PPP1R9A: variants seen among roughly 807,000 people sequenced by gnomAD.
PPP1R9A encodes the protein neurabin-1.
PPP1R9A carries 59 observed loss-of-function variants against 141.9 expected under a neutral mutation model. That is an observed-to-expected ratio of 0.42 (90% CI 0.34 to 0.52). The LOEUF (loss-of-function observed/expected upper bound fraction) is 0.52. Ranked by LOEUF, PPP1R9A falls within the 20% of genes least tolerant of loss-of-function variation. PPP1R9A has a pLI of 0.10. For missense variants in PPP1R9A, 1,444 were observed against 1,611.9 expected (o/e 0.90, Z 1.78); for synonymous variants, 500 against 569.7 (o/e 0.88, Z 1.74).
chr7:95,247,404 G>C, intron 8 of PPP1R9A, 69 bp from the exon 9 acceptor site: 1 of 1,306,890 alleles, frequency 7.7e-7, no homozygotes, highest in Non-Finnish European at 1.1e-6. Flanking sequence ...CATTCTTGTA[G>C]CTGCTGAGGC....
intron 2 of PPP1R9A, among the ~76,000 whole-genome samples, chr7:95,075,818 C>G (rs1288419170): frequency 6.6e-6 from 1 of 151,704 alleles, no homozygotes; most frequent in Non-Finnish European, 1.5e-5. Context: ...GCCTGGGCGA[C>G]AGAGCGAGAC....
In PPP1R9A at chr7:95,268,722, C is replaced by T; in HGVS notation, c.2823+15C>T. 2 of 1,610,126 alleles carry T rather than the reference C, an allele frequency of 1.2e-6. No homozygotes were observed. Among genetic ancestry groups the T allele is most frequent in the East Asian group, 2.2e-5 (1 of 44,790 alleles). ...TAGAGAGAAAGGTGAGCACCCTTGA[C>T]CGTTTCCTGATTTGTACTGTTGGAG... On this transcript the variant is annotated intron_variant, in intron 13 of 19. Transcript: ENST00000433360.
intron 2 of PPP1R9A, among the ~76,000 whole-genome samples, chr7:95,060,194 A>G (rs951985205): frequency 6.6e-6 from 1 of 152,160 alleles, no homozygotes; most frequent in Admixed American, 6.5e-5. Context: ...GCTGAGACTT[A>G]CTTAGGAAAC....
chr7:95,021,732 T>C (rs929633584), intron 2 of PPP1R9A, among the ~76,000 whole-genome samples: 1 of 152,174 alleles, frequency 6.6e-6, no homozygotes, highest in Non-Finnish European at 1.5e-5. Flanking sequence ...AGGGAATCCT[T>C]TCCCCATTGG....
intron 4 of PPP1R9A, chr7:95,156,006 C>T (rs1829543697): frequency 6.6e-6 from 1 of 152,126 alleles, no homozygotes; most frequent in African/African-American, 2.4e-5. Context: ...TGTCTTTGCC[C>T]AAGTCTTGCT....
At chr7:95,243,401 A>G (rs953320076) in intron 8 of PPP1R9A, among the ~76,000 whole-genome samples, 6 of 152,156 alleles carry the variant, frequency 3.9e-5, no homozygotes, top group Non-Finnish European at 8.8e-5. Flanking sequence ...CTAAAGGCCA[A>G]TTGATTATTA....
At chr7:95,263,663 G>A (rs1368093714) in intron 12 of PPP1R9A, among the ~76,000 whole-genome samples, 1 of 152,008 alleles carries the variant, frequency 6.6e-6, no homozygotes, top group Non-Finnish European at 1.5e-5. Flanking sequence ...GCCCACCTCG[G>A]CCTCCCAAAG....
At position 95,204,713 on chromosome 7, in the gene PPP1R9A, A is replaced by G. The variant is rs1346602443; in HGVS notation, c.1956+983A>G. Among the ~76,000 whole-genome samples the G allele has an allele frequency of 2.8e-5, 4 of 142,824 alleles. No homozygotes were observed. The East Asian group carries it at 8.4e-4, about 30-fold the overall frequency. 93.7% of individuals were successfully genotyped at this position (142,824 alleles called of 152,430 possible). ...ACATACCCACACACACCACACACAC[A>G]CACCACACTCACACCACACATACCC... is the stretch of plus-strand genomic sequence containing the variant. On this transcript the variant is annotated intron_variant, in intron 7 of 19. Transcript: ENST00000433360.
In PPP1R9A at chr7:95,273,891, T is replaced by C. The variant is rs764135657; in HGVS notation, c.3125-8T>C. 1 of 1,490,814 alleles carries C rather than the reference T, an allele frequency of 6.7e-7. No individual in the cohort carries two copies. The highest frequency in any genetic ancestry group is 1.4e-5 in the African/African-American group (1 of 72,464). 92.3% of individuals were successfully genotyped at this position (1,490,814 alleles called of 1,614,324 possible). ...AATTGATCTTTTTCACAAATGTGTATATCCTAGATGATGCCAAAGATCCCA... is the reference window on the plus strand; with the variant it reads ...AATTGATCTTTTTCACAAATGTGTACATCCTAGATGATGCCAAAGATCCCA... On this transcript the variant is annotated splice_region_variant and splice_polypyrimidine_tract_variant and intron_variant, in intron 14 of 19. Transcript: ENST00000433360.
chr7:95,230,850 GA>G (rs965580571), intron 8 of PPP1R9A, among the ~76,000 whole-genome samples: 3 of 151,784 alleles, frequency 2.0e-5, no homozygotes, highest in Non-Finnish European at 4.4e-5. Flanking sequence ...TAGCACAATA[GA>G]AAAAAAGGTA....
intron 6 of PPP1R9A, among the ~76,000 whole-genome samples, chr7:95,203,012 C>T (rs1789916163): frequency 6.6e-6 from 1 of 151,986 alleles, no homozygotes; most frequent in Non-Finnish European, 1.5e-5. Context: ...TTCAAAGTCT[C>T]CTTAGGCAGT....
intron 7 of PPP1R9A, among the ~76,000 whole-genome samples, chr7:95,216,071 G>A (rs1793341359): frequency 6.6e-6 from 1 of 152,184 alleles, no homozygotes; most frequent in African/African-American, 2.4e-5. Context: ...GAATGGTATT[G>A]CCTAGGTTTT....
intron 2 of PPP1R9A, among the ~76,000 whole-genome samples, chr7:94,988,993 A>G (rs1801180374): frequency 1.3e-5 from 2 of 152,098 alleles, no homozygotes; most frequent in South Asian, 4.1e-4. Context: ...CAAAATAGTT[A>G]ACTCTAAAAC....
In PPP1R9A at chr7:95,085,197, G is replaced by A. The variant is rs150311858; in HGVS notation, c.1396-26062G>A. ...GATTTTCCTTTTCTGTGAATGATGTGTTTATATCTTAGCCCCATTTTTTTG... is the reference window on the plus strand; with the variant it reads ...GATTTTCCTTTTCTGTGAATGATGTATTTATATCTTAGCCCCATTTTTTTG... On this transcript the variant is annotated intron_variant, in intron 2 of 19. Coordinates refer to ENST00000433360, the MANE Select transcript of PPP1R9A (RefSeq NM_001166160.2). 1.7e-3 allele frequency among the ~76,000 whole-genome samples: 259 copies of A among 151,916 alleles called. 5 individuals carry two copies. Among genetic ancestry groups the A allele is most frequent in the African/African-American group, 6.1e-3 (251 of 41,304 alleles).
At chr7:95,047,592 C>T (rs1810204323) in intron 2 of PPP1R9A, among the ~76,000 whole-genome samples, 1 of 152,152 alleles carries the variant, frequency 6.6e-6, no homozygotes, top group Non-Finnish European at 1.5e-5. Context: ...CACTTTTTGT[C>T]AGGTGGTACC....
At chr7:95,030,627 C>A (rs750522111) in intron 2 of PPP1R9A, among the ~76,000 whole-genome samples, 1 of 151,864 alleles carries the variant, frequency 6.6e-6, no homozygotes, top group African/African-American at 2.4e-5. Context: ...GAAGTTCTTA[C>A]CATTATAATG....
intron 2 of PPP1R9A, among the ~76,000 whole-genome samples, chr7:95,055,554 A>G (rs1344122692): frequency 1.3e-5 from 2 of 152,166 alleles, no homozygotes; most frequent in Non-Finnish European, 2.9e-5. Flanking sequence ...GAGCTCACCA[A>G]AGACAGGTTA....
chr7:95,075,353 GA>G, intron 2 of PPP1R9A, among the ~76,000 whole-genome samples: 1 of 151,762 alleles, frequency 6.6e-6, no homozygotes, highest in Admixed American at 6.6e-5. Flanking sequence ...TGTAGGGGAG[GA>G]AAAAAAAGTC....
In PPP1R9A at chr7:94,957,862, C is replaced by T. The variant is rs147090104; in HGVS notation, c.1395+46354C>T. ...TAAAGCAATTTTAATTGTTTTTCTACCTTTGACTAACTAGTTATGAGAAAG... is the reference window on the plus strand; with the variant it reads ...TAAAGCAATTTTAATTGTTTTTCTATCTTTGACTAACTAGTTATGAGAAAG... On this transcript the variant is annotated intron_variant, in intron 2 of 19. Coordinates refer to ENST00000433360, the MANE Select transcript of PPP1R9A (RefSeq NM_001166160.2). Among the ~76,000 whole-genome samples the T allele has an allele frequency of 8.2e-4, 124 of 152,048 alleles. 1 individual carries two copies. The highest frequency in any genetic ancestry group is 3.4e-3 in the Middle Eastern group (1 of 294).
Sources: gnomAD v4.1 joint callset for allele counts (sites outside exome capture counted in the v4.1 genomes callset) on GRCh38, gnomAD v4.1.1 for gene constraint, MANE v1.5 for transcripts, NCBI Gene and HGNC (gene_info 2026-07-23, HGNC 2026-07-21) for gene names.